GPHN: variants seen among roughly 807,000 people sequenced by gnomAD.
GPHN encodes the protein gephyrin.
Under a neutral mutation model 95.5 loss-of-function variants are expected in GPHN, and 17 were observed. The observed-to-expected ratio is 0.18, with a 90% CI of 0.12 to 0.27. The LOEUF is 0.27. Ranked by LOEUF, GPHN falls within the 10% of genes least tolerant of loss-of-function variation. The pLI is 1.00. For synonymous variants in GPHN, 320 were observed against 322.5 expected, an observed-to-expected ratio of 0.99 and a Z score of 0.08; for missense variants, 660 against 978.1, an observed-to-expected ratio of 0.67 and a Z score of 4.34.
the GPHN span, chr14:67,615,726 T>C: frequency 2.1e-6 from 1 of 484,816 alleles, no homozygotes; most frequent in African/African-American, 1.9e-5. Flanking sequence ...ATATCCCTCC[T>C]AAAGGGGAGA....
chr14:67,102,656 G>A (rs1487436055), intron 13 of GPHN, among the ~76,000 whole-genome samples: 3 of 151,676 alleles, frequency 2.0e-5, no homozygotes, highest in Non-Finnish European at 4.4e-5. Flanking sequence ...GCAAAACTCC[G>A]TCTCAAAAAA....
At chr14:66,698,489 A>AT (rs1378739431) in intron 2 of GPHN, among the ~76,000 whole-genome samples, 1 of 152,222 alleles carries the variant, frequency 6.6e-6, no homozygotes, top group Non-Finnish European at 1.5e-5. Context: ...GGGACTAATT[A>AT]TTCAGGATTT....
intron 1 of GPHN, among the ~76,000 whole-genome samples, chr14:66,617,196 A>T (rs1280898741): frequency 6.6e-6 from 1 of 152,178 alleles, no homozygotes; most frequent in African/African-American, 2.4e-5. Context: ...TACCCCAAGG[A>T]GCTGAAATGG....
chr14:67,661,435 C>T, the GPHN span, among the ~76,000 whole-genome samples: 1 of 151,614 alleles, frequency 6.6e-6, no homozygotes, highest in Non-Finnish European at 1.5e-5. Context: ...CCAACTCCAG[C>T]TCCTATGTTG....
chr14:67,696,168 A>G, the GPHN span, among the ~76,000 whole-genome samples: 1 of 152,172 alleles, frequency 6.6e-6, no homozygotes, highest in African/African-American at 2.4e-5. Context: ...AGTATACACT[A>G]TAGGAATAGT....
chr14:67,035,318 C>G (rs1480180425), intron 10 of GPHN, among the ~76,000 whole-genome samples: 1 of 151,744 alleles, frequency 6.6e-6, no homozygotes, highest in Non-Finnish European at 1.5e-5. Context: ...AGCAACCTAA[C>G]TTTTTACCTC....
the GPHN span, among the ~76,000 whole-genome samples, chr14:67,534,787 T>C: frequency 6.6e-6 from 1 of 151,012 alleles, no homozygotes; most frequent in African/African-American, 2.4e-5. Context: ...CCATTCCTGA[T>C]AGAAAAAAAA....
the GPHN span, among the ~76,000 whole-genome samples, chr14:67,643,281 C>T: frequency 6.6e-6 from 1 of 152,124 alleles, no homozygotes; most frequent in South Asian, 2.1e-4. Context: ...AATAAATATA[C>T]ATGGAATAAA....
chr14:67,151,627 AC>A (rs1309406004), intron 18 of GPHN, among the ~76,000 whole-genome samples: 1 of 152,010 alleles, frequency 6.6e-6, no homozygotes, highest in Non-Finnish European at 1.5e-5. Context: ...GGAAAGATGT[AC>A]CCTTTGTTTG....
the GPHN span, chr14:67,390,855 GACT>G: frequency 8.7e-6 from 7 of 805,330 alleles, no homozygotes; most frequent in Admixed American, 5.1e-5. Context: ...GCTCCAATGG[GACT>G]ACATTCTAAA....
chr14:66,802,942 C>G (rs2060413026), intron 3 of GPHN, among the ~76,000 whole-genome samples: 1 of 152,066 alleles, frequency 6.6e-6, no homozygotes, highest in Admixed American at 6.6e-5. Flanking sequence ...GTCAGTACTC[C>G]CTTAGATGGT....
intron 8 of GPHN, among the ~76,000 whole-genome samples, chr14:66,926,037 T>C (rs2066466959): frequency 6.6e-6 from 1 of 152,210 alleles, no homozygotes; most frequent in African/African-American, 2.4e-5. Flanking sequence ...TTGTTTACCA[T>C]TTGTATGTCT....
the GPHN span, among the ~76,000 whole-genome samples, chr14:67,316,318 A>G: frequency 6.6e-6 from 1 of 152,186 alleles, no homozygotes. Flanking sequence ...GGTGGAAATA[A>G]AAAATGGCTA....
chr14:66,545,015 G>A (rs1388376719), intron 1 of GPHN, among the ~76,000 whole-genome samples: 3 of 152,156 alleles, frequency 2.0e-5, no homozygotes, highest in African/African-American at 4.8e-5. Context: ...GCAACCATCC[G>A]ATTTCTCACT....
chr14:66,890,300 C>T (rs1369474978), intron 5 of GPHN, among the ~76,000 whole-genome samples: 1 of 150,658 alleles, frequency 6.6e-6, no homozygotes, highest in African/African-American at 2.4e-5. Flanking sequence ...CCCAGCTACT[C>T]AGGGGTCTGA....
intron 17 of GPHN, among the ~76,000 whole-genome samples, chr14:67,129,575 A>G (rs746425811): frequency 2.6e-5 from 4 of 152,178 alleles, no homozygotes; most frequent in East Asian, 3.8e-4. Context: ...TAGCCATAGT[A>G]TATATTTGTA....
chr14:66,640,834 G>A (rs1482152612), intron 1 of GPHN, among the ~76,000 whole-genome samples: 1 of 152,144 alleles, frequency 6.6e-6, no homozygotes, highest in Non-Finnish European at 1.5e-5. Context: ...AGTTGACCTT[G>A]GGGATGTATT....
chr14:66,816,465 A>G (rs535912294), intron 3 of GPHN, among the ~76,000 whole-genome samples: 1 of 152,332 alleles, frequency 6.6e-6, no homozygotes. Flanking sequence ...CTAGGACCAC[A>G]GTGCAATCAA....
intron 1 of GPHN, among the ~76,000 whole-genome samples, chr14:66,641,971 A>T (rs1427842164): frequency 2.0e-5 from 3 of 152,176 alleles, no homozygotes; most frequent in African/African-American, 7.2e-5. Context: ...AGTGTAAGAG[A>T]GAGTACCAAT....
Sources: gnomAD v4.1 joint callset for allele counts (sites outside exome capture counted in the v4.1 genomes callset) on GRCh38, gnomAD v4.1.1 for gene constraint, MANE v1.5 for transcripts, NCBI Gene and HGNC (gene_info 2026-07-23, HGNC 2026-07-21) for gene names.